CCDC91: variants seen among roughly 807,000 people sequenced by gnomAD.
The protein encoded by CCDC91 is coiled-coil domain containing 91, also known as coiled-coil domain-containing protein 91.
Under a neutral mutation model 63.2 loss-of-function variants are expected in CCDC91, and 48 were observed. The ratio of observed to expected loss-of-function variants is 0.76; its 90% CI spans 0.60 to 0.97. The LOEUF is 0.97. Among genes scored for constraint, CCDC91 ranks in the 50% least tolerant of loss-of-function variants. The probability of loss-of-function intolerance (pLI) is 0.00; values close to 1 mark genes in which losing one functional copy is unlikely to be tolerated. For missense variants in CCDC91, 500 were observed against 494.6 expected (o/e 1.01, Z -0.10); for synonymous variants, 167 against 165.8 (o/e 1.01, Z -0.06).
chr12:28,333,005 T>G (rs529335250), intron 6 of CCDC91, among the ~76,000 whole-genome samples: 27 of 152,240 alleles, frequency 1.8e-4, no homozygotes, highest in African/African-American at 6.5e-4. Context: ...AAGAAAATGA[T>G]ACTTGTTTAT....
intron 3 of CCDC91, among the ~76,000 whole-genome samples, chr12:28,259,789 A>T (rs1210371723): frequency 6.6e-6 from 1 of 151,960 alleles, no homozygotes; most frequent in East Asian, 1.9e-4. Flanking sequence ...TAGTCCAAAA[A>T]TAATTTATCA....
intron 1 of CCDC91, chr12:28,191,171 G>GACTT (rs1941203219): frequency 6.6e-6 from 1 of 152,244 alleles, no homozygotes; most frequent in Non-Finnish European, 1.5e-5. Context: ...AAGTGGTGAG[G>GACTT]TATCCTTCGT....
intron 3 of CCDC91, among the ~76,000 whole-genome samples, chr12:28,295,899 C>T (rs1323506663): frequency 6.6e-6 from 1 of 151,878 alleles, no homozygotes; most frequent in Non-Finnish European, 1.5e-5. Context: ...TTTGTTCACT[C>T]AGTGTGAGCA....
chr12:28,253,350 TATA>T (rs1333394385), intron 1 of CCDC91, among the ~76,000 whole-genome samples: 1 of 152,130 alleles, frequency 6.6e-6, no homozygotes, highest in Non-Finnish European at 1.5e-5. Flanking sequence ...CTCCCCAAGA[TATA>T]ACTTCACCTA....
intron 12 of CCDC91, among the ~76,000 whole-genome samples, chr12:28,528,590 A>G (rs1429743113): frequency 6.6e-6 from 1 of 152,096 alleles, no homozygotes; most frequent in Non-Finnish European, 1.5e-5. Flanking sequence ...TCATGATGCA[A>G]GCCTCCATAT....
chr12:28,219,163 C>A (rs1177050868), intron 1 of CCDC91, among the ~76,000 whole-genome samples: 2 of 152,072 alleles, frequency 1.3e-5, no homozygotes, highest in African/African-American at 4.8e-5. Flanking sequence ...CTGGTACCTG[C>A]ATTTCAGTTT....
At chr12:28,400,272 G>C (rs1056727501) in intron 8 of CCDC91, among the ~76,000 whole-genome samples, 10 of 152,124 alleles carry the variant, frequency 6.6e-5, no homozygotes, top group Admixed American at 2.0e-4. Context: ...GCTGTACGTT[G>C]GCCCCTTTTA....
intron 11 of CCDC91, among the ~76,000 whole-genome samples, chr12:28,467,187 T>TA (rs1349694915): frequency 6.6e-6 from 1 of 151,970 alleles, no homozygotes; most frequent in East Asian, 1.9e-4. Flanking sequence ...GAAGGTATTT[T>TA]AAAAAAGACC....
At chr12:28,525,140 G>A (rs1348126377) in intron 12 of CCDC91, among the ~76,000 whole-genome samples, 2 of 151,872 alleles carry the variant, frequency 1.3e-5, no homozygotes, top group Non-Finnish European at 2.9e-5. Context: ...TCTTCTGCTG[G>A]GTTTGGGTTT....
chr12:28,349,230 C>T (rs1441864748), intron 6 of CCDC91, among the ~76,000 whole-genome samples: 2 of 151,664 alleles, frequency 1.3e-5, no homozygotes, highest in Admixed American at 6.6e-5. Context: ...TTTTCCTTTT[C>T]TGTTATTGTC....
intron 12 of CCDC91, among the ~76,000 whole-genome samples, chr12:28,518,213 G>C (rs971040563): frequency 2.0e-5 from 3 of 151,964 alleles, no homozygotes; most frequent in African/African-American, 7.2e-5. Flanking sequence ...TCTCCACACT[G>C]TTTTCCATAG....
At chr12:28,205,636 G>A (rs772966779) in intron 1 of CCDC91, among the ~76,000 whole-genome samples, 5 of 152,180 alleles carry the variant, frequency 3.3e-5, no homozygotes, top group Non-Finnish European at 7.4e-5. Flanking sequence ...GCAATTGGAA[G>A]TGAGGTATAG....
chr12:28,259,482 T>TTTTC (rs1555168627), intron 3 of CCDC91, 40 bp downstream of exon 3: 9 of 1,283,104 alleles, frequency 7.0e-6, no homozygotes, highest in South Asian at 2.6e-5. Context: ...TTTTTTTTTT[T>TTTTC]CCCATGTAAC....
At chr12:28,478,548 A>T (rs1592790904) in intron 11 of CCDC91, among the ~76,000 whole-genome samples, 1 of 152,318 alleles carries the variant, frequency 6.6e-6, no homozygotes, top group Non-Finnish European at 1.5e-5. Flanking sequence ...GGACATAGGC[A>T]TGGGCAAGGA....
chr12:28,322,837 T>A (rs1429902201), intron 6 of CCDC91, among the ~76,000 whole-genome samples: 1 of 151,796 alleles, frequency 6.6e-6, no homozygotes, highest in Non-Finnish European at 1.5e-5. Context: ...TGTTTTACCA[T>A]ATCCTTGCCT....
intron 3 of CCDC91, among the ~76,000 whole-genome samples, chr12:28,261,825 G>GCA (rs1354946714): frequency 2.0e-5 from 3 of 151,180 alleles, no homozygotes; most frequent in Admixed American, 6.6e-5. Context: ...AAATCATCTG[G>GCA]CACACACACA....
chr12:28,305,914 T>C (rs1938676359), intron 4 of CCDC91, 108 bp downstream of exon 4: 2 of 886,454 alleles, frequency 2.3e-6, no homozygotes, highest in African/African-American at 1.7e-5. Flanking sequence ...CTAAAAGAAG[T>C]ATTTCTGCAA....
At chr12:28,398,839 T>A (rs1048729378) in intron 8 of CCDC91, among the ~76,000 whole-genome samples, 6 of 152,232 alleles carry the variant, frequency 3.9e-5, no homozygotes, top group Non-Finnish European at 8.8e-5. Context: ...TATTTTATTA[T>A]GTTGTCTACT....
chr12:28,543,352 G>T (rs1454515841), intron 12 of CCDC91, among the ~76,000 whole-genome samples: 3 of 152,046 alleles, frequency 2.0e-5, no homozygotes, highest in South Asian at 4.1e-4. Context: ...TCTCTTACAA[G>T]ATCATGTGCT....
Sources: allele counts gnomAD v4.1 joint callset (sites outside exome capture counted in the v4.1 genomes callset), GRCh38; gene constraint gnomAD v4.1.1; transcripts MANE v1.5; gene names NCBI Gene and HGNC (gene_info 2026-07-23, HGNC 2026-07-21).